The following RNF150 variants were observed in gnomAD, a reference collection of about 807,000 sequenced individuals.
The protein encoded by RNF150 is ring finger protein 150.
RNF150 carries 24 observed loss-of-function variants against 39.3 expected under a neutral mutation model. The ratio of observed to expected loss-of-function variants is 0.61; its 90% CI spans 0.44 to 0.86. The LOEUF (loss-of-function observed/expected upper bound fraction) is 0.86, where lower values mean the gene tolerates loss of function less well. RNF150 is among the 40% of genes least tolerant of loss of function. The pLI, the probability that RNF150 is intolerant of heterozygous loss-of-function variation, is 0.00. For synonymous variants in RNF150, 255 were observed against 227.3 expected (o/e 1.12, Z -1.10); for missense variants, 502 against 587.8 (o/e 0.85, Z 1.51).
At chr4:140,917,038 G>A (rs1477570163) in intron 5 of RNF150, among the ~76,000 whole-genome samples, 2 of 152,142 alleles carry the variant, frequency 1.3e-5, no homozygotes, top group African/African-American at 4.8e-5. Context: ...AGCTCCTGAA[G>A]GAAGCACTAA....
At chr4:140,939,864 T>C (rs1458759067) in intron 4 of RNF150, among the ~76,000 whole-genome samples, 3 of 152,216 alleles carry the variant, frequency 2.0e-5, no homozygotes, top group Non-Finnish European at 2.9e-5. Context: ...ACTCCAAACG[T>C]TGAGTCATCT....
At chr4:140,990,759 C>T (rs988559408) in intron 1 of RNF150, among the ~76,000 whole-genome samples, 2 of 152,082 alleles carry the variant, frequency 1.3e-5, no homozygotes, top group African/African-American at 4.8e-5. Context: ...GGGTTAATTC[C>T]ATGTCTTTGC....
At chr4:140,910,908 G>A (rs1025113485) in intron 6 of RNF150, 2 of 595,034 alleles carry the variant, frequency 3.4e-6, no homozygotes, top group Non-Finnish European at 6.0e-6. Flanking sequence ...TGATGTGTGA[G>A]CCCTGGTGTC....
chr4:141,089,422 G>A (rs544857733), intron 1 of RNF150, among the ~76,000 whole-genome samples: 2 of 152,128 alleles, frequency 1.3e-5, no homozygotes, highest in Non-Finnish European at 2.9e-5. Context: ...GGGGGAGGGG[G>A]AAGAATCCTG....
intron 1 of RNF150, among the ~76,000 whole-genome samples, chr4:141,035,566 A>G (rs1428682343): frequency 6.6e-6 from 1 of 152,172 alleles, no homozygotes; most frequent in Non-Finnish European, 1.5e-5. Context: ...CACTTCAGGA[A>G]ATGTGTTATC....
chr4:141,100,310 T>C (rs956672342), intron 1 of RNF150, among the ~76,000 whole-genome samples: 1 of 152,206 alleles, frequency 6.6e-6, no homozygotes, highest in Non-Finnish European at 1.5e-5. Flanking sequence ...AAATATATAA[T>C]TCTGTCTCAG....
chr4:141,000,268 A>G (rs1734618916), intron 1 of RNF150, among the ~76,000 whole-genome samples: 1 of 152,182 alleles, frequency 6.6e-6, no homozygotes, highest in South Asian at 2.1e-4. Flanking sequence ...ACAGTTTTGA[A>G]TGCAGAGCAA....
At chr4:141,004,640 T>C (rs1407876935) in intron 1 of RNF150, among the ~76,000 whole-genome samples, 4 of 152,196 alleles carry the variant, frequency 2.6e-5, no homozygotes, top group Admixed American at 6.5e-5. Flanking sequence ...GACCCTTGTG[T>C]CATCAATTCT....
At chr4:140,901,807 A>G (rs1382959315) in intron 6 of RNF150, among the ~76,000 whole-genome samples, 4 of 152,222 alleles carry the variant, frequency 2.6e-5, no homozygotes, top group Non-Finnish European at 5.9e-5. Context: ...TTGGAGGAGC[A>G]GAGAAAATAT....
chr4:140,918,435 A>G (rs1324197626), intron 5 of RNF150, among the ~76,000 whole-genome samples: 1 of 152,256 alleles, frequency 6.6e-6, no homozygotes, highest in Non-Finnish European at 1.5e-5. Flanking sequence ...AAAATTTAGA[A>G]GAAATGGATA....
intron 6 of RNF150, 141 bp downstream of exon 6, chr4:140,911,003 C>T (rs1730574345): frequency 2.9e-6 from 2 of 695,604 alleles, no homozygotes; most frequent in Non-Finnish European, 4.8e-6. Context: ...GTTCTTCTAA[C>T]AGCTGGCAGT....
intron 1 of RNF150, among the ~76,000 whole-genome samples, chr4:141,107,673 C>T (rs1473949873): frequency 6.6e-6 from 1 of 152,156 alleles, no homozygotes; most frequent in African/African-American, 2.4e-5. Context: ...TCTGACAATG[C>T]TCCCATTCCA....
chr4:141,124,908 T>C (rs1467045356), intron 1 of RNF150, among the ~76,000 whole-genome samples: 1 of 152,238 alleles, frequency 6.6e-6, no homozygotes, highest in Non-Finnish European at 1.5e-5. Flanking sequence ...ATGAAATATA[T>C]GTTCACAAAT....
At position 140,862,252 on chromosome 4, in the gene RNF150, TA is replaced by T. The variant is rs1324009035; in HGVS notation, c.*6008del. 2 of 152,222 alleles carry T rather than the reference TA, an allele frequency of 1.3e-5. No homozygotes were observed. The highest frequency in any genetic ancestry group is 1.5e-5 in the Non-Finnish European group (1 of 68,036). The allele number at this position is 152,222 out of a possible 1,614,324, so 9.4% of individuals were successfully genotyped here. On this transcript the variant is annotated 3_prime_UTR_variant, in exon 7 of 7. Coordinates refer to ENST00000515673, the MANE Select transcript of RNF150 (RefSeq NM_020724.2). Reference sequence around the variant, plus strand: ...TTGCAGACCTCTTAATAGACGTGTATATTTTTGTCTTATCATCAGCAAATAT... The same window carrying T: ...TTGCAGACCTCTTAATAGACGTGTATTTTTTGTCTTATCATCAGCAAATAT...
At chr4:141,151,691 T>C (rs1194667089) in intron 1 of RNF150, among the ~76,000 whole-genome samples, 1 of 152,142 alleles carries the variant, frequency 6.6e-6, no homozygotes, top group East Asian at 1.9e-4. Flanking sequence ...TATGGGAGAT[T>C]TTTAAAAAAA....
intron 1 of RNF150, among the ~76,000 whole-genome samples, chr4:141,023,239 T>C (rs2110793763): frequency 6.6e-6 from 1 of 152,064 alleles, no homozygotes; most frequent in South Asian, 2.1e-4. Context: ...ATGATGATGA[T>C]GATGATGATG....
At position 140,864,116 on chromosome 4, in the gene RNF150, A is replaced by G. The variant is rs1447294536; in HGVS notation, c.*4145T>C. Reference sequence around the variant, plus strand: ...ATGAAGGAAATGTTAAAAACAAGAAAACAAAACAAAACAAAACAAAATGAA... The same window carrying G: ...ATGAAGGAAATGTTAAAAACAAGAAGACAAAACAAAACAAAACAAAATGAA... On this transcript the variant is annotated 3_prime_UTR_variant, in exon 7 of 7. Transcript: ENST00000515673. The G allele has an allele frequency of 6.6e-6, 1 of 152,148 alleles. No individual in the cohort carries two copies. The highest frequency in any genetic ancestry group is 2.4e-5 in the African/African-American group (1 of 41,434). The allele number at this position is 152,148 out of a possible 1,614,324, so 9.4% of individuals were successfully genotyped here.
chr4:140,979,580 A>T lies in RNF150; in HGVS notation c.485-11707T>A, dbSNP rs569084853. The stretch of plus-strand genomic sequence containing the variant: ...ATCAACATTTATCAAATAAATACTT[A>T]GAGCATTCTAGATAGTATGAAACCT... On this transcript the variant is annotated intron_variant, in intron 1 of 6. Coordinates refer to ENST00000515673, the MANE Select transcript of RNF150 (RefSeq NM_020724.2). Among the ~76,000 whole-genome samples the T allele has an allele frequency of 2.0e-4, 31 of 152,070 alleles. 1 individual carries two copies. The highest frequency in any genetic ancestry group is 7.5e-4 in the African/African-American group (31 of 41,502).
At chr4:141,148,322 A>C (rs1488435075) in intron 1 of RNF150, among the ~76,000 whole-genome samples, 2 of 152,210 alleles carry the variant, frequency 1.3e-5, no homozygotes, top group African/African-American at 4.8e-5. Context: ...CTTCCCTTTA[A>C]AAAGAAAACT....
Sources: allele counts gnomAD v4.1 joint callset (sites outside exome capture counted in the v4.1 genomes callset), GRCh38; gene constraint gnomAD v4.1.1; transcripts MANE v1.5; gene names NCBI Gene and HGNC (gene_info 2026-07-23, HGNC 2026-07-21).